Variants in DNAJC11 observed in about 807,000 individuals in gnomAD.
DNAJC11 encodes the protein dnaJ homolog subfamily C member 11.
A neutral mutation model predicts 78.6 loss-of-function variants in DNAJC11; 15 were observed. The ratio of observed to expected loss-of-function variants is 0.19; its 90% CI spans 0.13 to 0.29. The LOEUF is 0.29. Ranked by LOEUF, DNAJC11 falls within the 10% of genes least tolerant of loss-of-function variation. The probability of loss-of-function intolerance (pLI) is 1.00; values close to 1 mark genes in which losing one functional copy is unlikely to be tolerated. For synonymous variants in DNAJC11, 292 were observed against 272.1 expected, an observed-to-expected ratio of 1.07 and a Z score of -0.72; for missense variants, 547 against 709.6, an observed-to-expected ratio of 0.77 and a Z score of 2.60.
rs987268696 is a variant in DNAJC11, at chr1:6,686,813, A to G, written c.73-5776T>C. On this transcript the variant is annotated intron_variant, in intron 1 of 15. Transcript: ENST00000377577. ...AACAACTTAATAACACCTCATATTT[A>G]TATTCACTTTGGGAATATTAAAGCC... 2.6e-5 allele frequency among the ~76,000 whole-genome samples: 4 copies of G among 152,218 alleles called. No individual in the cohort carries two copies. The East Asian group carries it at 7.7e-4, about 29-fold the overall frequency.
At position 6,643,517 on chromosome 1, in the gene DNAJC11, T is replaced by C. The variant is rs111441682; in HGVS notation, c.1097+1041A>G. Among the ~76,000 whole-genome samples the C allele has an allele frequency of 3.8e-3, 582 of 151,954 alleles. 2 individuals are homozygous for C. Among genetic ancestry groups the C allele is most frequent in the African/African-American group, 0.012 (497 of 41,430 alleles). On this transcript the variant is annotated intron_variant, in intron 10 of 15. Transcript: ENST00000377577. ...GTCTCAATCTCCTGACCTCGTGATC[T>C]GCCCGCCTTGGCCTCCCAAAGTGCT...
intron 4 of DNAJC11, 33 bp downstream of exon 4, chr1:6,667,676 A>T: frequency 6.3e-7 from 1 of 1,580,400 alleles, no homozygotes; most frequent in South Asian, 1.1e-5. Context: ...CCTTTTCATG[A>T]AGTGTCCTCA....
At chr1:6,641,461 T>TA (rs1269590067) in intron 10 of DNAJC11, among the ~76,000 whole-genome samples, 1 of 128,102 alleles carries the variant, frequency 7.8e-6, no homozygotes, top group African/African-American at 2.8e-5. Context: ...TGTGAATGGG[T>TA]AAAAAAAATA....
At position 6,701,718 on chromosome 1, in the gene DNAJC11, G is replaced by A; in HGVS notation, c.72+11C>T. 3 of 1,543,634 alleles carry A rather than the reference G, an allele frequency of 1.9e-6. No homozygotes were observed. Among genetic ancestry groups the A allele is most frequent in the Admixed American group, 1.9e-5 (1 of 51,286 alleles). On this transcript the variant is annotated intron_variant, in intron 1 of 15. Transcript: ENST00000377577. The stretch of plus-strand genomic sequence containing the variant: ...GCCTCAGCCCCCAGAGCGTCCAGCC[G>A]CTGGCCTCACCTCCCTGCGCACGTT...
intron 3 of DNAJC11, chr1:6,668,192 C>T (rs145296054): frequency 6.1e-4 from 111 of 181,114 alleles, no homozygotes; most frequent in African/African-American, 2.5e-3. Context: ...AGCTGAAGTG[C>T]CGTGCATTAT....
At position 6,637,517 on chromosome 1, in the gene DNAJC11, A is replaced by G; in HGVS notation, c.1324-13T>C. The G allele has an allele frequency of 6.2e-7, 1 of 1,614,178 alleles. No individual in the cohort carries two copies. The highest frequency in any genetic ancestry group is 8.5e-7 in the Non-Finnish European group (1 of 1,180,042). Reference sequence around the variant, plus strand: ...GCATCAGCCGGACCTGCCAGAGAACAAGGATGACACAGTCAGGGCCCTGCC... The same window carrying G: ...GCATCAGCCGGACCTGCCAGAGAACGAGGATGACACAGTCAGGGCCCTGCC... On this transcript the variant is annotated splice_polypyrimidine_tract_variant and intron_variant, in intron 12 of 15. Coordinates refer to ENST00000377577, the MANE Select transcript of DNAJC11 (RefSeq NM_018198.4).
At chr1:6,636,582 T>G (rs1331040771) in intron 14 of DNAJC11, among the ~76,000 whole-genome samples, 1 of 152,162 alleles carries the variant, frequency 6.6e-6, no homozygotes, top group African/African-American at 2.4e-5. Flanking sequence ...GACCTCATGA[T>G]CTTTCTGGAA....
intron 15 of DNAJC11, 50 bp downstream of exon 15, chr1:6,636,067 C>T (rs200331359): frequency 2.1e-5 from 33 of 1,579,210 alleles, no homozygotes; most frequent in Middle Eastern, 3.5e-4. Flanking sequence ...GCAGCCGCTT[C>T]GAGGTCCCCG....
chr1:6,701,636 C>G, intron 1 of DNAJC11, 93 bp downstream of exon 1: 3 of 1,338,658 alleles, frequency 2.2e-6, no homozygotes, highest in Non-Finnish European at 3.0e-6. Flanking sequence ...CCCGAGCCTC[C>G]CGTGGCGGGG....
rs114521363 is a variant in DNAJC11 at position 6,662,653 on chromosome 1, T to C, written c.378+5056A>G. Among the ~76,000 whole-genome samples the C allele has an allele frequency of 4.2e-3, 644 of 152,142 alleles. 6 individuals are homozygous for C. Among genetic ancestry groups the C allele is most frequent in the African/African-American group, 0.014 (585 of 41,526 alleles). ...CAGTGCTCTGTGGCTAGCTAGAGGA[T>C]TGTAAATGCACCAATCAGCTCGCTG... On this transcript the variant is annotated intron_variant, in intron 4 of 15. Transcript: ENST00000377577.
At chr1:6,700,503 CCA>C (rs1570322845) in intron 1 of DNAJC11, among the ~76,000 whole-genome samples, 1 of 152,250 alleles carries the variant, frequency 6.6e-6, no homozygotes, top group East Asian at 1.9e-4. Context: ...AAGCTGGGCT[CCA>C]GAGTCAGACT....
intron 1 of DNAJC11, among the ~76,000 whole-genome samples, chr1:6,689,695 G>A (rs1037136180): frequency 6.6e-6 from 1 of 151,806 alleles, no homozygotes; most frequent in East Asian, 1.9e-4. Context: ...AGAATTGCTT[G>A]AACCCAGGAG....
At chr1:6,671,910 CT>C (rs1213800453) in intron 3 of DNAJC11, among the ~76,000 whole-genome samples, 3 of 152,164 alleles carry the variant, frequency 2.0e-5, no homozygotes, top group Non-Finnish European at 4.4e-5. Context: ...TCTCAGCTCA[CT>C]GCAACTTCCG....
chr1:6,647,082 T>C, intron 7 of DNAJC11, among the ~76,000 whole-genome samples: 1 of 26,612 alleles, frequency 3.8e-5, no homozygotes, highest in African/African-American at 9.2e-5. Context: ...GGACAGGTCT[T>C]TTTTTTTTTT....
At position 6,654,681 on chromosome 1, in the gene DNAJC11, C is replaced by T. The variant is rs150506015; in HGVS notation, c.379-642G>A. The stretch of plus-strand genomic sequence containing the variant: ...TCTTTGATAGTCACAACTTTAAAAA[C>T]GGACATTATCTTAATCCAGTATATA... On this transcript the variant is annotated intron_variant, in intron 4 of 15. Coordinates refer to ENST00000377577, the MANE Select transcript of DNAJC11 (RefSeq NM_018198.4). Among the ~76,000 whole-genome samples, 22 of 152,176 alleles carry T rather than the reference C, an allele frequency of 1.4e-4. 1 individual carries two copies. In the East Asian group the frequency reaches 3.9e-3, roughly 27 times the overall value.
chr1:6,669,560 G>GAAAAGAAAAC (rs1642346203), intron 3 of DNAJC11, among the ~76,000 whole-genome samples: 1 of 149,094 alleles, frequency 6.7e-6, no homozygotes, highest in Non-Finnish European at 1.5e-5. Context: ...GAAAAGAAAA[G>GAAAAGAAAAC]AAAAGAAAAG....
intron 3 of DNAJC11, among the ~76,000 whole-genome samples, chr1:6,673,999 T>C (rs1444030557): frequency 6.6e-6 from 1 of 152,208 alleles, no homozygotes; most frequent in African/African-American, 2.4e-5. Context: ...CATCTGAAAG[T>C]GACACCTGCA....
At chr1:6,690,539 T>C (rs1292995405) in intron 1 of DNAJC11, among the ~76,000 whole-genome samples, 1 of 152,194 alleles carries the variant, frequency 6.6e-6, no homozygotes, top group African/African-American at 2.4e-5. Flanking sequence ...TCCACCACTG[T>C]CCCAGGACAT....
At chr1:6,698,419 A>G (rs1463589962) in intron 1 of DNAJC11, among the ~76,000 whole-genome samples, 2 of 152,154 alleles carry the variant, frequency 1.3e-5, no homozygotes, top group Non-Finnish European at 2.9e-5. Flanking sequence ...ATTCCAGCAA[A>G]TATCAAGTTC....
Sources: gnomAD v4.1 joint callset for allele counts (sites outside exome capture counted in the v4.1 genomes callset) on GRCh38, gnomAD v4.1.1 for gene constraint, MANE v1.5 for transcripts, NCBI Gene and HGNC (gene_info 2026-07-23, HGNC 2026-07-21) for gene names.